SCAMP1: variants seen among roughly 807,000 people sequenced by gnomAD.
SCAMP1 encodes the protein secretory carrier-associated membrane protein 1.
Under a neutral mutation model 41.8 loss-of-function variants are expected in SCAMP1, and 15 were observed. The ratio of observed to expected loss-of-function variants is 0.36; its 90% confidence interval spans 0.24 to 0.55. SCAMP1 has a LOEUF of 0.55. Ranked by LOEUF, SCAMP1 falls within the 20% of genes least tolerant of loss-of-function variation. The probability of loss-of-function intolerance (pLI) is 0.86; values close to 1 mark genes in which losing one functional copy is unlikely to be tolerated. For missense variants in SCAMP1, 341 were observed against 412.6 expected, an observed-to-expected ratio of 0.83 and a Z score of 1.50; for synonymous variants, 135 against 136.8, an observed-to-expected ratio of 0.99 and a Z score of 0.09.
At chr5:78,443,983 A>G (rs1415494905) in intron 6 of SCAMP1, among the ~76,000 whole-genome samples, 8 of 152,136 alleles carry the variant, frequency 5.3e-5, no homozygotes, top group African/African-American at 1.7e-4. Context: ...GATAGACTCT[A>G]TTATAAATTT....
intron 1 of SCAMP1, among the ~76,000 whole-genome samples, chr5:78,374,356 A>G (rs1016635385): frequency 1.3e-5 from 2 of 152,132 alleles, no homozygotes; most frequent in African/African-American, 4.8e-5. Flanking sequence ...AAATTCGGAC[A>G]CAGAAGTTAA....
intron 1 of SCAMP1, among the ~76,000 whole-genome samples, chr5:78,381,585 A>G (rs1256959743): frequency 2.0e-5 from 3 of 152,228 alleles, no homozygotes; most frequent in African/African-American, 4.8e-5. Flanking sequence ...TTCTCTCTTG[A>G]TAATCTTCTT....
At chr5:78,465,448 G>A (rs934289539) in intron 8 of SCAMP1, among the ~76,000 whole-genome samples, 3 of 152,162 alleles carry the variant, frequency 2.0e-5, no homozygotes, top group Non-Finnish European at 4.4e-5. Context: ...ATGCTTTCAG[G>A]TTGTAATTCT....
At chr5:78,425,864 G>T (rs1293749155) in intron 6 of SCAMP1, among the ~76,000 whole-genome samples, 1 of 152,134 alleles carries the variant, frequency 6.6e-6, no homozygotes, top group Admixed American at 6.5e-5. Context: ...GTGCCATGGT[G>T]GTTTGCTGCA....
chr5:78,429,558 A>G (rs1007025664), intron 6 of SCAMP1, among the ~76,000 whole-genome samples: 5 of 151,914 alleles, frequency 3.3e-5, no homozygotes, highest in Admixed American at 6.6e-5. Flanking sequence ...TGGGAGTTGC[A>G]ATGAGGGTGC....
intron 7 of SCAMP1, among the ~76,000 whole-genome samples, chr5:78,458,156 T>A (rs1296593477): frequency 1.3e-5 from 2 of 152,232 alleles, no homozygotes; most frequent in South Asian, 2.1e-4. Flanking sequence ...TGCGTCGCTC[T>A]CGCTGGGAGC....
At chr5:78,401,356 G>A (rs371964854) in intron 2 of SCAMP1, among the ~76,000 whole-genome samples, 2 of 152,062 alleles carry the variant, frequency 1.3e-5, no homozygotes. Context: ...GATGAGTTAG[G>A]AAGTCTTTCT....
At chr5:78,410,920 A>G (rs748154915) in intron 2 of SCAMP1, among the ~76,000 whole-genome samples, 1 of 151,772 alleles carries the variant, frequency 6.6e-6, no homozygotes, top group South Asian at 2.1e-4. Context: ...TTTTTTTCAT[A>G]TGTTGGCCCC....
chr5:78,419,958 C>T (rs958744050), intron 5 of SCAMP1, among the ~76,000 whole-genome samples: 1 of 152,078 alleles, frequency 6.6e-6, no homozygotes, highest in African/African-American at 2.4e-5. Context: ...TGTCTGATTC[C>T]ATATATGTAC....
At chr5:78,467,653 C>T (rs1378683535) in intron 8 of SCAMP1, among the ~76,000 whole-genome samples, 1 of 152,030 alleles carries the variant, frequency 6.6e-6, no homozygotes, top group Non-Finnish European at 1.5e-5. Flanking sequence ...TCACAAGTTC[C>T]TAAACTTCTC....
chr5:78,372,403 G>GT (rs1750963406), intron 1 of SCAMP1, among the ~76,000 whole-genome samples: 1 of 152,248 alleles, frequency 6.6e-6, no homozygotes, highest in South Asian at 2.1e-4. Context: ...TACAATTGTA[G>GT]TATGTAGCAC....
At position 78,360,646 on chromosome 5, in the gene SCAMP1, G is replaced by A. The variant is rs1333084663; in HGVS notation, c.-26G>A. The A allele has an allele frequency of 6.2e-7, 1 of 1,600,482 alleles. No homozygotes were observed. The highest frequency in any genetic ancestry group is 1.1e-5 in the South Asian group (1 of 88,884). On this transcript the variant is annotated 5_prime_UTR_variant, in exon 1 of 9. Coordinates refer to ENST00000621999, the MANE Select transcript of SCAMP1 (RefSeq NM_004866.6). ...CGTCTCTCTCTCTGCGCCTGGGTCGGGTGGGTGACGCCGAGAGCCAGAGAG... is the reference window on the plus strand; with the variant it reads ...CGTCTCTCTCTCTGCGCCTGGGTCGAGTGGGTGACGCCGAGAGCCAGAGAG...
At chr5:78,463,905 T>C (rs1753677366) in intron 8 of SCAMP1, among the ~76,000 whole-genome samples, 2 of 152,024 alleles carry the variant, frequency 1.3e-5, no homozygotes, top group Admixed American at 1.3e-4. Context: ...GAATACCTAC[T>C]AATGAGATGG....
At chr5:78,420,118 C>T (rs1241690833) in intron 5 of SCAMP1, among the ~76,000 whole-genome samples, 5 of 152,052 alleles carry the variant, frequency 3.3e-5, no homozygotes, top group African/African-American at 9.7e-5. Flanking sequence ...TGCAATGGCA[C>T]GATCTTGGTT....
Position 78,446,462 on chromosome 5 carries a change from G to GTT in SCAMP1, c.633-3470_633-3469insTT, listed in dbSNP as rs1356348609. Among the ~76,000 whole-genome samples the GTT allele has an allele frequency of 2.0e-4, 31 of 152,012 alleles. 2 individuals are homozygous for GTT. In the East Asian group the frequency reaches 5.8e-3, roughly 28 times the overall value. ...ATTTATAATGTAAAATATTTTAATA[G>GTT]TCTGGTTTCTTGGCACACAAAATAG... On this transcript the variant is annotated intron_variant, in intron 6 of 8. Transcript: ENST00000621999.
At chr5:78,467,842 A>G (rs895443950) in intron 8 of SCAMP1, among the ~76,000 whole-genome samples, 3 of 152,152 alleles carry the variant, frequency 2.0e-5, no homozygotes, top group Non-Finnish European at 2.9e-5. Flanking sequence ...TTAAAAACCT[A>G]ATTTTTCCTT....
intron 2 of SCAMP1, among the ~76,000 whole-genome samples, chr5:78,409,761 C>T (rs889092869): frequency 6.6e-6 from 1 of 152,186 alleles, no homozygotes; most frequent in African/African-American, 2.4e-5. Flanking sequence ...AGCTCTAACC[C>T]TACCTTCATC....
chr5:78,448,274 C>G (rs1430342399), intron 6 of SCAMP1, among the ~76,000 whole-genome samples: 1 of 147,772 alleles, frequency 6.8e-6, no homozygotes, highest in Non-Finnish European at 1.5e-5. Context: ...TCAAGCAGTC[C>G]TCTTGCCTCA....
chr5:78,382,505 T>G (rs1751228198), intron 1 of SCAMP1, among the ~76,000 whole-genome samples: 1 of 152,204 alleles, frequency 6.6e-6, no homozygotes, highest in Non-Finnish European at 1.5e-5. Flanking sequence ...TCTGAGATTT[T>G]GGTGCACCTG....
Sources: gnomAD v4.1 joint callset for allele counts (sites outside exome capture counted in the v4.1 genomes callset) on GRCh38, gnomAD v4.1.1 for gene constraint, MANE v1.5 for transcripts, NCBI Gene and HGNC (gene_info 2026-07-23, HGNC 2026-07-21) for gene names.